Variants in COMMD4 observed in about 807,000 individuals in gnomAD.
COMMD4 encodes the protein COMM domain-containing protein 4.
A neutral mutation model predicts 27.5 loss-of-function variants in COMMD4; 18 were observed. The ratio of observed to expected loss-of-function variants is 0.65; its 90% CI spans 0.45 to 0.97. COMMD4 has a LOEUF of 0.97. COMMD4 is among the 50% of genes least tolerant of loss of function. COMMD4 has a pLI of 0.00. For missense variants in COMMD4, 243 were observed against 250.0 expected, an observed-to-expected ratio of 0.97 and a Z score of 0.19; for synonymous variants, 108 against 108.4, an observed-to-expected ratio of 1.00 and a Z score of 0.02.
At chr15:75,342,574 A>G (rs2071436512), downstream of COMMD4, 1 of 152,138 alleles carries the variant, frequency 6.6e-6, no homozygotes, top group Non-Finnish European at 1.5e-5. Context: ...CGACAGTAGA[A>G]TGGTGGTTAG....
At position 75,339,226 on chromosome 15, in the gene COMMD4, G is replaced by A. The variant is rs373808744; in HGVS notation, c.302-38G>A. On this transcript the variant is annotated intron_variant, in intron 5 of 7. Coordinates refer to ENST00000267935, the MANE Select transcript of COMMD4 (RefSeq NM_017828.5). ...GGGCCAGGAGCCCAAGCCAGGCCCCGACATGCTACCTCCAGAGCTACTCCA... is the reference window on the plus strand; with the variant it reads ...GGGCCAGGAGCCCAAGCCAGGCCCCAACATGCTACCTCCAGAGCTACTCCA... 1,859 of 1,611,912 alleles carry A rather than the reference G, an allele frequency of 1.2e-3. 2 individuals are homozygous for A. Among genetic ancestry groups the A allele is most frequent in the Non-Finnish European group, 1.4e-3 (1,659 of 1,179,918 alleles).
chr15:75,340,113 G>T lies in COMMD4; in HGVS notation c.*108G>T. On this transcript the variant is annotated 3_prime_UTR_variant, in exon 8 of 8. Coordinates refer to ENST00000267935, the MANE Select transcript of COMMD4 (RefSeq NM_017828.5). ...CTGGTTCTAGGATGCTGAGGCCCTGGCCCGGACTCTGGCCTCCCAGATCCC... is the reference window on the plus strand; with the variant it reads ...CTGGTTCTAGGATGCTGAGGCCCTGTCCCGGACTCTGGCCTCCCAGATCCC... 3 of 1,354,138 alleles carry T rather than the reference G, an allele frequency of 2.2e-6. No homozygotes were observed. In the East Asian group the frequency reaches 7.6e-5, roughly 34 times the overall value. The allele number at this position is 1,354,138 out of a possible 1,614,324, so 83.9% of individuals were successfully genotyped here. A position where few individuals can be genotyped will look rare whatever the true frequency, so the allele number is the denominator to read the frequency against.
chr15:75,339,175 G>A (rs2071349437), intron 5 of COMMD4, 71 bp downstream of exon 5: 1 of 1,611,962 alleles, frequency 6.2e-7, no homozygotes, highest in South Asian at 1.1e-5. Context: ...CAGGCCCTGT[G>A]ACCCTGAGGT....
At chr15:75,339,368 C>T (rs770893940) in intron 6 of COMMD4, 24 bp downstream of exon 6, 6 of 1,607,398 alleles carry the variant, frequency 3.7e-6, no homozygotes, top group Non-Finnish European at 2.5e-6. Flanking sequence ...CAGCCAGGGT[C>T]CGGGCTCATT....
chr15:75,339,477 C>T, intron 6 of COMMD4, 133 bp downstream of exon 6: 1 of 1,391,026 alleles, frequency 7.2e-7, no homozygotes, highest in Non-Finnish European at 9.9e-7. Context: ...TGGGACCTGG[C>T]CCTGGGTCTC....
intron 1 of COMMD4, chr15:75,337,795 G>T (rs1323552870): frequency 2.2e-5 from 11 of 504,586 alleles, no homozygotes; most frequent in Non-Finnish European, 3.9e-5. Context: ...CACTTAGAGT[G>T]GGAGCTAGCA....
In COMMD4 at chr15:75,336,267, GGGGGCGGGGGTAC is replaced by G. The variant is rs1567197086; in HGVS notation, c.3+184_3+196del. ...TCCACCACTCTCCCGCTCCCGAGAC[GGGGGCGGGGGTAC>G]GGGGCGGGTAAGACAGAGCAGGCCG... On this transcript the variant is annotated intron_variant, in intron 1 of 7. Coordinates refer to ENST00000267935, the MANE Select transcript of COMMD4 (RefSeq NM_017828.5). 7.3e-6 allele frequency: 11 copies of G among 1,503,224 alleles called. No homozygotes were observed. The Admixed American group carries it at 8.6e-5, about 12-fold the overall frequency. The allele number at this position is 1,503,224 out of a possible 1,614,324, so 93.1% of individuals were successfully genotyped here. A position where few individuals can be genotyped will look rare whatever the true frequency, so the allele number is the denominator to read the frequency against.
chr15:75,339,083 C>T lies in COMMD4; in HGVS notation c.280C>T (p.Gln94Ter), dbSNP rs1210091770. The change falls in exon 5 of 8, where the codon CAG (glutamine) becomes TAG (stop). Residue 94 changes from glutamine (Q) to a stop codon, truncating the protein, a stop_gained. Transcript: ENST00000267935. LOFTEE classifies it high-confidence loss of function. ...TGGCGAATCCTTGTCCAGTGAACTG[C>T]AGCAGCTGGGGCTGCCCAAAGGTAC... ...VDGESLSSEL[Q>*]QLGLPKEHAA... 4 of 1,613,540 alleles carry T rather than the reference C, an allele frequency of 2.5e-6. No individual in the cohort carries two copies. The highest frequency in any genetic ancestry group is 3.4e-6 in the Non-Finnish European group (4 of 1,179,990).
rs767347701 is a variant in COMMD4 at position 75,339,886 on chromosome 15, T to C, written c.559+8T>C. 1.2e-6 allele frequency: 2 copies of C among 1,613,322 alleles called. No individual in the cohort carries two copies. Among genetic ancestry groups the C allele is most frequent in the Non-Finnish European group, 1.7e-6 (2 of 1,179,402 alleles). ...TCCAGGTCCTCCTGGCAGGTGAGGC[T>C]CAGCTATTCCTCGACGGGTGAGAGG... On this transcript the variant is annotated splice_region_variant and intron_variant, in intron 7 of 7. Coordinates refer to ENST00000267935, the MANE Select transcript of COMMD4 (RefSeq NM_017828.5).
At chr15:75,336,524 C>G (rs2071197543) in intron 1 of COMMD4, 2 of 354,398 alleles carry the variant, frequency 5.6e-6, no homozygotes, top group Non-Finnish European at 1.0e-5. Context: ...AGCCCCTCCG[C>G]TCTTTCCAGA....
intron 1 of COMMD4, chr15:75,336,335 C>G (rs538258652): frequency 8.9e-6 from 12 of 1,353,274 alleles, no homozygotes; most frequent in East Asian, 7.8e-5. Context: ...GCTTCCCTGG[C>G]GGAAGGAAGG....
chr15:75,336,152 A>G (rs865974685), intron 1 of COMMD4, 60 bp downstream of exon 1: 5 of 1,549,630 alleles, frequency 3.2e-6, no homozygotes, highest in African/African-American at 1.4e-5. Context: ...GGGGGCGCCA[A>G]GTGGCTCCGG....
intron 3 of COMMD4, 27 bp from the exon 4 acceptor site, chr15:75,338,619 C>A: frequency 6.2e-7 from 1 of 1,612,386 alleles, no homozygotes; most frequent in Non-Finnish European, 8.5e-7. Flanking sequence ...GGGCCTGGCA[C>A]CCCCTGAAGG....
chr15:75,343,151 C>T (rs1318280130), downstream of COMMD4: 2 of 152,096 alleles, frequency 1.3e-5, no homozygotes, highest in African/African-American at 4.8e-5. Context: ...ATGCATGTAA[C>T]AAAACATCAC....
rs570402916 is a variant in COMMD4 at position 75,338,702 on chromosome 15, G to A, written c.181+17G>A. ...CCAAGTTTGGTGAGTATCCCGCTGA[G>A]TCTATAGGCCCCAGGCAACCCTGGG... On this transcript the variant is annotated intron_variant, in intron 4 of 7. Transcript: ENST00000267935. 3 of 1,612,370 alleles carry A rather than the reference G, an allele frequency of 1.9e-6. No homozygotes were observed. Among genetic ancestry groups the A allele is most frequent in the Non-Finnish European group, 2.5e-6 (3 of 1,179,270 alleles).
intron 3 of COMMD4, 82 bp from the exon 4 acceptor site, chr15:75,338,560 CTGTT>C (rs1389259209): frequency 3.8e-6 from 6 of 1,583,986 alleles, no homozygotes; most frequent in Non-Finnish European, 5.2e-6. Flanking sequence ...TCCAGCCTGT[CTGTT>C]CCTTATCGCA....
chr15:75,336,292 GAC>G (rs1461642311), intron 1 of COMMD4, 200 bp downstream of exon 1: 15 of 1,459,750 alleles, frequency 1.0e-5, no homozygotes, highest in African/African-American at 9.9e-5. Context: ...GGGCGGGTAA[GAC>G]AGAGCAGGCC....
Position 75,339,016 on chromosome 15 carries a change from G to A in COMMD4, c.213G>A (p.Val71=). 3 of 1,613,956 alleles carry A rather than the reference G, an allele frequency of 1.9e-6. No homozygotes were observed. The highest frequency in any genetic ancestry group is 2.5e-6 in the Non-Finnish European group (3 of 1,179,892). ...GCGATGTGAAGGCCACAGTGGCAGT[G>A]CTGAGTTTCATCCTCTCCAGTGCGG... ...ESGDVKATVA[V]LSFILSSAAK... is the part of the protein sequence containing the mutation. The change falls in exon 5 of 8, where the codon GTG becomes GTA. Residue 71 remains valine, a synonymous_variant. Coordinates refer to ENST00000267935, the MANE Select transcript of COMMD4 (RefSeq NM_017828.5).
Position 75,338,640 on chromosome 15 carries a change from C to G in COMMD4, c.142-6C>G. ...GGCACCCCCTGAAGGTCTCCTTTCC[C>G]CATAGTATGAGAAGATCCTGAAGCT... On this transcript the variant is annotated splice_polypyrimidine_tract_variant and splice_region_variant and intron_variant, in intron 3 of 7. Coordinates refer to ENST00000267935, the MANE Select transcript of COMMD4 (RefSeq NM_017828.5). The G allele has an allele frequency of 1.2e-6, 2 of 1,613,928 alleles. No homozygotes were observed. Among genetic ancestry groups the G allele is most frequent in the South Asian group, 2.2e-5 (2 of 91,036 alleles).
Sources: gnomAD v4.1 joint callset for allele counts on GRCh38, gnomAD v4.1.1 for gene constraint, MANE v1.5 for transcripts, NCBI Gene and HGNC (gene_info 2026-07-23, HGNC 2026-07-21) for gene names.